FOXP2: variants seen among roughly 807,000 people sequenced by gnomAD.
FOXP2 encodes forkhead box protein P2.
Under a neutral mutation model 115.8 loss-of-function variants are expected in FOXP2, and 12 were observed. The observed-to-expected ratio is 0.10, with a 90% CI of 0.07 to 0.17. The LOEUF (loss-of-function observed/expected upper bound fraction) is 0.17. Ranked by LOEUF, FOXP2 falls within the 10% of genes least tolerant of loss-of-function variation. The pLI is 1.00. For synonymous variants in FOXP2, 328 were observed against 297.7 expected (o/e 1.10, Z -1.05); for missense variants, 629 against 843.5 (o/e 0.75, Z 3.15).
At chr7:114,633,992 A>T (rs1244540092) in intron 6 of FOXP2, among the ~76,000 whole-genome samples, 3 of 151,876 alleles carry the variant, frequency 2.0e-5, no homozygotes. Context: ...GTGTCTTTAA[A>T]ACTGTATCTT....
At chr7:114,206,037 T>A (rs950635969) in intron 1 of FOXP2, among the ~76,000 whole-genome samples, 20 of 152,216 alleles carry the variant, frequency 1.3e-4, no homozygotes, top group Middle Eastern at 6.8e-3. Context: ...TGAGAATAGA[T>A]TAGAACCTAA....
chr7:114,185,652 A>T (rs190276474), intron 1 of FOXP2, among the ~76,000 whole-genome samples: 2 of 152,222 alleles, frequency 1.3e-5, no homozygotes, highest in East Asian at 3.9e-4. Flanking sequence ...AAAGTCATCC[A>T]CACCTCTCCT....
intron 1 of FOXP2, among the ~76,000 whole-genome samples, chr7:114,257,125 C>G (rs184370564): frequency 6.6e-6 from 1 of 152,138 alleles, no homozygotes; most frequent in Admixed American, 6.5e-5. Context: ...GAATAGAGAA[C>G]TCAGAAATAA....
At chr7:114,525,375 C>G (rs1161410953) in intron 2 of FOXP2, among the ~76,000 whole-genome samples, 1 of 152,150 alleles carries the variant, frequency 6.6e-6, no homozygotes, top group Non-Finnish European at 1.5e-5. Flanking sequence ...GTATTACTAG[C>G]TGTATTAAAT....
chr7:114,205,617 A>C (rs1213400140), intron 1 of FOXP2, among the ~76,000 whole-genome samples: 1 of 152,162 alleles, frequency 6.6e-6, no homozygotes, highest in Non-Finnish European at 1.5e-5. Flanking sequence ...TATGAGATGG[A>C]GATTAGCATT....
At chr7:114,274,105 G>A (rs1352510952) in intron 1 of FOXP2, among the ~76,000 whole-genome samples, 1 of 132,104 alleles carries the variant, frequency 7.6e-6, no homozygotes, top group Admixed American at 7.6e-5. Context: ...TTTTATTATT[G>A]TCCCATAGTT....
intron 2 of FOXP2, among the ~76,000 whole-genome samples, chr7:114,482,087 C>G (rs1197492650): frequency 6.6e-6 from 1 of 151,432 alleles, no homozygotes; most frequent in East Asian, 1.9e-4. Flanking sequence ...GAAATTAAAT[C>G]CTATTAGTAC....
At chr7:114,270,698 T>G (rs919357244) in intron 1 of FOXP2, among the ~76,000 whole-genome samples, 1 of 152,174 alleles carries the variant, frequency 6.6e-6, no homozygotes, top group Non-Finnish European at 1.5e-5. Flanking sequence ...TCTTTGTGTA[T>G]TTTTGCTTAA....
At chr7:114,530,026 A>G (rs1404745850) in intron 2 of FOXP2, among the ~76,000 whole-genome samples, 1 of 151,928 alleles carries the variant, frequency 6.6e-6, no homozygotes, top group Non-Finnish European at 1.5e-5. Flanking sequence ...AGGTTAAACT[A>G]TATGAATATG....
chr7:114,327,206 T>G lies in FOXP2; in HGVS notation c.-11+39097T>G, dbSNP rs115785996. Among the ~76,000 whole-genome samples the G allele has an allele frequency of 2.8e-3, 430 of 152,342 alleles. 2 individuals are homozygous for G. The highest frequency in any genetic ancestry group is 9.5e-3 in the African/African-American group (395 of 41,584). ...TGTCTTCATACCCTGAGGAACTGACTGTGTACTTTCTTCTCCTTCTGTTAG... is the reference window on the plus strand; with the variant it reads ...TGTCTTCATACCCTGAGGAACTGACGGTGTACTTTCTTCTCCTTCTGTTAG... On this transcript the variant is annotated intron_variant, in intron 2 of 17. Transcript: ENST00000634411.
chr7:114,227,266 A>T (rs1391505536), intron 1 of FOXP2, among the ~76,000 whole-genome samples: 1 of 152,004 alleles, frequency 6.6e-6, no homozygotes, highest in Non-Finnish European at 1.5e-5. Flanking sequence ...TTGTGGCCTG[A>T]CTTTAGGGTT....
chr7:114,645,168 A>G (rs1478895665), intron 8 of FOXP2: 1 of 129,070 alleles, frequency 7.7e-6, no homozygotes, highest in Non-Finnish European at 1.6e-5. Flanking sequence ...ATATATATAT[A>G]TATATATATA....
Position 114,282,787 on chromosome 7 carries a change from T to C in FOXP2, c.-101-5232T>C, listed in dbSNP as rs1022032319. On this transcript the variant is annotated intron_variant, in intron 1 of 17. Coordinates refer to the FOXP2 transcript ENST00000634411. ...TGGCAGTTTTACAGCATTTAGCCTT[T>C]GCAGAAGTAGCTTTTAAACATTTTA... is the stretch of plus-strand genomic sequence containing the variant. Among the ~76,000 whole-genome samples, 11 of 152,300 alleles carry C rather than the reference T, an allele frequency of 7.2e-5. 1 individual carries two copies. Among genetic ancestry groups the C allele is most frequent in the Admixed American group, 3.9e-4 (6 of 15,288 alleles).
At position 114,468,768 on chromosome 7, in the gene FOXP2, C is replaced by T. The variant is rs143136991; in HGVS notation, c.168+42089C>T. Reference sequence around the variant, plus strand: ...ACATCAAAATTATCTTTTTATATATCTATCCCCTGCAAACTACTGTGAGCT... The same window carrying T: ...ACATCAAAATTATCTTTTTATATATTTATCCCCTGCAAACTACTGTGAGCT... On this transcript the variant is annotated intron_variant, in intron 2 of 16. Coordinates refer to ENST00000350908, the MANE Select transcript of FOXP2 (RefSeq NM_014491.4). 4.0e-3 allele frequency among the ~76,000 whole-genome samples: 605 copies of T among 152,208 alleles called. 9 individuals are homozygous for T. The highest frequency in any genetic ancestry group is 0.014 in the African/African-American group (578 of 41,540).
intron 2 of FOXP2, among the ~76,000 whole-genome samples, chr7:114,458,542 T>C (rs1795419969): frequency 7.8e-6 from 1 of 128,634 alleles, no homozygotes; most frequent in African/African-American, 3.0e-5. Flanking sequence ...TGATATTTTC[T>C]TTTCTTTTTT....
chr7:114,603,998 T>A (rs2129314931), intron 3 of FOXP2, among the ~76,000 whole-genome samples: 1 of 152,312 alleles, frequency 6.6e-6, no homozygotes. Flanking sequence ...TGTTGCCTGA[T>A]TTCAACTATA....
At position 114,427,207 on chromosome 7, in the gene FOXP2, A is replaced by C. The variant is rs551746643; in HGVS notation, c.168+528A>C. On this transcript the variant is annotated intron_variant, in intron 2 of 16. Coordinates refer to ENST00000350908, the MANE Select transcript of FOXP2 (RefSeq NM_014491.4). Reference sequence around the variant, plus strand: ...ACACTACGATCTGTTGCTTTTCTTGAAATTCATTCCAAGATATTTTGAATA... The same window carrying C: ...ACACTACGATCTGTTGCTTTTCTTGCAATTCATTCCAAGATATTTTGAATA... Among the ~76,000 whole-genome samples the C allele has an allele frequency of 1.2e-4, 18 of 151,800 alleles. No homozygotes were observed. In the East Asian group the frequency reaches 3.5e-3, roughly 29 times the overall value.
At chr7:114,667,958 A>G (rs940125501) in intron 16 of FOXP2, 3 of 152,140 alleles carry the variant, frequency 2.0e-5, no homozygotes, top group Non-Finnish European at 4.4e-5. Context: ...AGTGCTGTGA[A>G]AAGAAATACT....
At chr7:114,268,309 G>A (rs1372494674) in intron 1 of FOXP2, among the ~76,000 whole-genome samples, 1 of 152,116 alleles carries the variant, frequency 6.6e-6, no homozygotes, top group East Asian at 1.9e-4. Flanking sequence ...TTACTTGGTA[G>A]GACATGGAAT....
Sources: allele counts gnomAD v4.1 joint callset (sites outside exome capture counted in the v4.1 genomes callset), GRCh38; gene constraint gnomAD v4.1.1; transcripts MANE v1.5; gene names NCBI Gene and HGNC (gene_info 2026-07-23, HGNC 2026-07-21).